COL13A1: variants seen among roughly 807,000 people sequenced by gnomAD.
The protein encoded by COL13A1 is collagen alpha-1(XIII) chain.
COL13A1 carries 89 observed loss-of-function variants against 130.9 expected under a neutral mutation model. The ratio of observed to expected loss-of-function variants is 0.68; its 90% CI spans 0.57 to 0.81. The LOEUF is 0.81. Ranked by LOEUF, COL13A1 falls within the 30% of genes least tolerant of loss-of-function variation. COL13A1 has a pLI of 0.00. For synonymous variants in COL13A1, 402 were observed against 341.6 expected (o/e 1.18, Z -1.95); for missense variants, 879 against 934.6 (o/e 0.94, Z 0.78).
Position 69,937,977 on chromosome 10 carries a change from G to A in COL13A1, c.1878+262G>A, listed in dbSNP as rs371488187. ...CAAGGGGCACTGAGCTGGGAGGGCA[G>A]CTTCAGGCCCTGCTTGAGCCTGGTT... On this transcript the variant is annotated intron_variant, in intron 34 of 40. Transcript: ENST00000645393. Among the ~76,000 whole-genome samples the A allele has an allele frequency of 4.6e-5, 7 of 152,368 alleles. No individual in the cohort carries two copies. In the East Asian group the frequency reaches 1.2e-3, roughly 25 times the overall value.
chr10:69,947,961 C>T (rs1371841890), intron 38 of COL13A1, among the ~76,000 whole-genome samples: 1 of 152,160 alleles, frequency 6.6e-6, no homozygotes, highest in Non-Finnish European at 1.5e-5. Flanking sequence ...CAGGGGGTGG[C>T]ACCGACCACA....
rs544095492 is a variant in COL13A1 at position 69,904,916 on chromosome 10, T to A, written c.859-17T>A. The stretch of plus-strand genomic sequence containing the variant: ...ACCTTTTCTTTTTTCTTTTTTTTTT[T>A]TTTTTTGCTTCCACAGGGCTTACCT... On this transcript the variant is annotated splice_polypyrimidine_tract_variant and intron_variant, in intron 15 of 40. Coordinates refer to ENST00000645393, the MANE Select transcript of COL13A1 (RefSeq NM_001368882.1). The A allele has an allele frequency of 3.2e-6, 5 of 1,539,378 alleles. No homozygotes were observed. Among genetic ancestry groups the A allele is most frequent in the Non-Finnish European group, 4.4e-6 (5 of 1,145,734 alleles).
intron 2 of COL13A1, among the ~76,000 whole-genome samples, chr10:69,855,156 T>C (rs1305475984): frequency 6.6e-6 from 1 of 152,192 alleles, no homozygotes; most frequent in African/African-American, 2.4e-5. Flanking sequence ...ATAGACACAG[T>C]GCCCAGTCTA....
intron 3 of COL13A1, 149 bp from the exon 4 acceptor site, chr10:69,872,035 C>T (rs948032690): frequency 2.7e-5 from 23 of 851,424 alleles, no homozygotes; most frequent in East Asian, 1.8e-4. Context: ...TAAGCCTTAG[C>T]GATCAAGGCT....
At position 69,858,115 on chromosome 10, in the gene COL13A1, C is replaced by CAAAAAAAAAAA. The variant is rs573668102; in HGVS notation, c.365-9673_365-9663dup. ...TGGGTGACAGAGCGAGACTCCGTCTCAAAAAAAAAAAAAAAAAAAAGATTG... is the reference window on the plus strand; with the variant it reads ...TGGGTGACAGAGCGAGACTCCGTCTCAAAAAAAAAAAAAAAAAAAAAAAAAAAAAAAGATTG... On this transcript the variant is annotated intron_variant, in intron 2 of 40. Coordinates refer to ENST00000645393, the MANE Select transcript of COL13A1 (RefSeq NM_001368882.1). 2.0e-3 allele frequency among the ~76,000 whole-genome samples: 160 copies of CAAAAAAAAAAA among 80,230 alleles called. 7 individuals are homozygous for CAAAAAAAAAAA. Among genetic ancestry groups the CAAAAAAAAAAA allele is most frequent in the Middle Eastern group, 0.012 (1 of 86 alleles). The allele number at this position is 80,230 out of a possible 152,430, so 52.6% of individuals were successfully genotyped here.
intron 1 of COL13A1, among the ~76,000 whole-genome samples, chr10:69,804,237 G>A (rs1043417014): frequency 6.6e-6 from 1 of 151,986 alleles, no homozygotes; most frequent in South Asian, 2.1e-4. Flanking sequence ...GTATCTCGGG[G>A]GTCCTGGCTG....
In COL13A1 at chr10:69,878,053, A is replaced by G; in HGVS notation, c.450A>G (p.Gln150=). The change falls in exon 6 of 41, where the codon CAA becomes CAG. Residue 150 remains glutamine (Q), a synonymous_variant. Coordinates refer to ENST00000645393, the MANE Select transcript of COL13A1 (RefSeq NM_001368882.1). ...GGCTGCCCCAGGGAGTAAAGGGCCA[A>G]CCAGGCGAGAAGGTGAGTCCACACT... is the stretch of plus-strand genomic sequence containing the variant. ...GMPGRVGVKG[Q]PGEKGSPGDA... is the part of the protein sequence containing the mutation. 1.4e-6 allele frequency: 1 copy of G among 702,708 alleles called. No individual in the cohort carries two copies. Among genetic ancestry groups the G allele is most frequent in the Non-Finnish European group, 2.6e-6 (1 of 384,926 alleles). 43.5% of individuals were successfully genotyped at this position (702,708 alleles called of 1,614,324 possible). A position where few individuals can be genotyped will look rare whatever the true frequency, so the allele number is the denominator to read the frequency against.
chr10:69,907,634 A>G (rs1280957851), intron 17 of COL13A1, among the ~76,000 whole-genome samples: 1 of 151,490 alleles, frequency 6.6e-6, no homozygotes, highest in Admixed American at 6.6e-5. Context: ...CCACTCCCAC[A>G]ATAACTAACC....
At chr10:69,955,318 T>G (rs11593158) in intron 39 of COL13A1, 2,223 of 152,610 alleles carry the variant, frequency 0.015, 25 homozygotes, top group Admixed American at 0.043. Flanking sequence ...GCTTGCAGAC[T>G]GCACAGCCAC....
chr10:69,938,572 C>T (rs563410202), intron 34 of COL13A1, among the ~76,000 whole-genome samples: 1 of 152,252 alleles, frequency 6.6e-6, no homozygotes, highest in East Asian at 1.9e-4. Flanking sequence ...CCTTGCAAAG[C>T]GACTCCTTCC....
intron 6 of COL13A1, among the ~76,000 whole-genome samples, chr10:69,878,514 C>T (rs1286284076): frequency 6.6e-6 from 1 of 151,974 alleles, no homozygotes; most frequent in African/African-American, 2.4e-5. Context: ...TTGAGTCTCG[C>T]TCTGTCACCC....
intron 2 of COL13A1, among the ~76,000 whole-genome samples, chr10:69,833,051 C>T (rs144453437): frequency 6.6e-6 from 1 of 152,190 alleles, no homozygotes; most frequent in Non-Finnish European, 1.5e-5. Context: ...GCCTGGTCAC[C>T]TCTCCCTGTC....
At chr10:69,817,160 C>T (rs1343742035) in intron 1 of COL13A1, among the ~76,000 whole-genome samples, 2 of 152,056 alleles carry the variant, frequency 1.3e-5, no homozygotes, top group Non-Finnish European at 2.9e-5. Flanking sequence ...ATGTGTCTCA[C>T]ACAGCCTCAA....
intron 39 of COL13A1, among the ~76,000 whole-genome samples, chr10:69,954,507 G>A (rs2070253908): frequency 1.3e-5 from 2 of 152,234 alleles, no homozygotes; most frequent in Admixed American, 1.3e-4. Flanking sequence ...TGAATGAGAT[G>A]CCTGATCAGC....
At chr10:69,935,089 T>TC (rs1307524280) in intron 31 of COL13A1, among the ~76,000 whole-genome samples, 1 of 152,082 alleles carries the variant, frequency 6.6e-6, no homozygotes, top group Non-Finnish European at 1.5e-5. Context: ...TTTTTTTTTT[T>TC]CCAAGAAAAA....
intron 2 of COL13A1, among the ~76,000 whole-genome samples, chr10:69,851,504 C>T (rs983879002): frequency 3.9e-5 from 6 of 152,184 alleles, no homozygotes; most frequent in African/African-American, 1.4e-4. Flanking sequence ...GAACTTCCTG[C>T]CAGGATGAAA....
At chr10:69,805,035 T>C (rs937399931) in intron 1 of COL13A1, among the ~76,000 whole-genome samples, 11 of 152,006 alleles carry the variant, frequency 7.2e-5, no homozygotes, top group African/African-American at 2.7e-4. Flanking sequence ...GGAACAGCCT[T>C]TGAGGCTGGG....
At chr10:69,813,311 G>A (rs954001826) in intron 1 of COL13A1, among the ~76,000 whole-genome samples, 2 of 152,168 alleles carry the variant, frequency 1.3e-5, no homozygotes, top group Admixed American at 6.5e-5. Context: ...TCTGGGGCCC[G>A]GTTCCTTGAC....
intron 7 of COL13A1, among the ~76,000 whole-genome samples, chr10:69,887,146 T>C (rs1281923889): frequency 3.3e-5 from 5 of 152,198 alleles, no homozygotes; most frequent in Non-Finnish European, 7.3e-5. Context: ...CACTGTCCCA[T>C]GCGTTTGTTT....
Sources: gnomAD v4.1 joint callset for allele counts (sites outside exome capture counted in the v4.1 genomes callset) on GRCh38, gnomAD v4.1.1 for gene constraint, MANE v1.5 for transcripts, NCBI Gene and HGNC (gene_info 2026-07-23, HGNC 2026-07-21) for gene names.